TNKS: variants seen among roughly 807,000 people sequenced by gnomAD.
TNKS encodes the protein tankyrase.
TNKS carries 72 observed loss-of-function variants against 135.8 expected under a neutral mutation model. That is an observed-to-expected ratio of 0.53 (90% confidence interval 0.44 to 0.64). TNKS has a LOEUF of 0.64. Among genes scored for constraint, TNKS ranks in the 30% least tolerant of loss-of-function variants. The pLI, the probability that TNKS is intolerant of heterozygous loss-of-function variation, is 0.00. For synonymous variants in TNKS, 849 were observed against 649.3 expected (o/e 1.31, Z -4.68); for missense variants, 1,769 against 1,674.0 (o/e 1.06, Z -0.99).
chr8:9,746,900 TGAGA>T (rs1806265261), intron 17 of TNKS, among the ~76,000 whole-genome samples: 1 of 150,272 alleles, frequency 6.7e-6, no homozygotes. Flanking sequence ...TTTTTTTTTT[TGAGA>T]CGGAGCCTTG....
intron 1 of TNKS, chr8:9,575,407 A>C: frequency 1.0e-6 from 1 of 985,408 alleles, no homozygotes; most frequent in South Asian, 4.7e-5. Flanking sequence ...AAGGTGGGTC[A>C]ACTCTACCCT....
intron 3 of TNKS, among the ~76,000 whole-genome samples, chr8:9,645,350 T>G (rs1486890019): frequency 2.6e-5 from 4 of 152,190 alleles, no homozygotes; most frequent in Admixed American, 2.6e-4. Flanking sequence ...GGTCAGAGTT[T>G]TCAAAGACCA....
chr8:9,641,161 C>G (rs1800714335), intron 3 of TNKS, among the ~76,000 whole-genome samples: 1 of 146,000 alleles, frequency 6.8e-6, no homozygotes, highest in Non-Finnish European at 1.5e-5. Context: ...CAAGTATGGC[C>G]TTTGGCTGGA....
chr8:9,758,053 TA>T (rs973737546), intron 20 of TNKS, among the ~76,000 whole-genome samples: 6 of 152,222 alleles, frequency 3.9e-5, no homozygotes, highest in Non-Finnish European at 7.3e-5. Flanking sequence ...CAGATACAGC[TA>T]TACATCTCAG....
intron 20 of TNKS, among the ~76,000 whole-genome samples, chr8:9,757,106 A>C (rs184632609): frequency 3.6e-4 from 55 of 152,220 alleles, no homozygotes; most frequent in African/African-American, 1.3e-3. Context: ...CCTCCTGAGT[A>C]GCTGGGATTA....
intron 22 of TNKS, among the ~76,000 whole-genome samples, chr8:9,764,307 A>C (rs1807309059): frequency 6.6e-6 from 1 of 152,062 alleles, no homozygotes; most frequent in Non-Finnish European, 1.5e-5. Context: ...CTATTGAGAT[A>C]ATATGGAATA....
chr8:9,694,198 G>A (rs1246745421), intron 5 of TNKS, among the ~76,000 whole-genome samples: 5 of 152,008 alleles, frequency 3.3e-5, no homozygotes, highest in African/African-American at 9.7e-5. Flanking sequence ...TCACCATGTC[G>A]GATTATCCTT....
intron 21 of TNKS, 109 bp downstream of exon 21, chr8:9,761,745 T>A: frequency 8.7e-7 from 1 of 1,145,820 alleles, no homozygotes; most frequent in South Asian, 1.5e-5. Context: ...TACACTGAAC[T>A]ATTGTACCTC....
At chr8:9,637,294 T>C (rs943046283) in intron 3 of TNKS, among the ~76,000 whole-genome samples, 4 of 152,184 alleles carry the variant, frequency 2.6e-5, no homozygotes, top group Non-Finnish European at 5.9e-5. Flanking sequence ...TGTTTTTCTT[T>C]CTGACGATAC....
At chr8:9,698,630 C>T (rs1350396607) in intron 5 of TNKS, among the ~76,000 whole-genome samples, 1 of 152,106 alleles carries the variant, frequency 6.6e-6, no homozygotes, top group Non-Finnish European at 1.5e-5. Flanking sequence ...AATGCAAAAC[C>T]AGGATTTAAA....
intron 3 of TNKS, among the ~76,000 whole-genome samples, chr8:9,620,727 C>CA (rs542092734): frequency 3.9e-4 from 59 of 152,306 alleles, no homozygotes; most frequent in Admixed American, 8.5e-4. Context: ...AACACTTCCC[C>CA]AGTTCATCAG....
intron 3 of TNKS, among the ~76,000 whole-genome samples, chr8:9,623,951 G>C (rs1007564900): frequency 6.6e-6 from 1 of 152,068 alleles, no homozygotes; most frequent in African/African-American, 2.4e-5. Context: ...GCAGTGAACC[G>C]AGATCATGCC....
intron 5 of TNKS, among the ~76,000 whole-genome samples, chr8:9,692,983 G>A (rs1467077275): frequency 6.6e-6 from 1 of 152,124 alleles, no homozygotes; most frequent in East Asian, 1.9e-4. Context: ...TACTAAGCTC[G>A]TTGCTTCTTA....
intron 3 of TNKS, among the ~76,000 whole-genome samples, chr8:9,678,530 C>G (rs1205063785): frequency 3.3e-5 from 5 of 152,104 alleles, no homozygotes; most frequent in Non-Finnish European, 7.4e-5. Flanking sequence ...ATACAAAGTT[C>G]TTTTAAGAGA....
intron 1 of TNKS, among the ~76,000 whole-genome samples, chr8:9,562,509 T>C (rs1797376609): frequency 6.6e-6 from 1 of 152,174 alleles, no homozygotes; most frequent in Admixed American, 6.5e-5. Context: ...TTATGCTGTG[T>C]GTGGCATTTT....
At chr8:9,652,072 C>A (rs951441279) in intron 3 of TNKS, among the ~76,000 whole-genome samples, 1 of 152,054 alleles carries the variant, frequency 6.6e-6, no homozygotes, top group African/African-American at 2.4e-5. Flanking sequence ...AATATAGAAA[C>A]AAATCTTTAC....
intron 3 of TNKS, among the ~76,000 whole-genome samples, chr8:9,666,063 C>T (rs976967588): frequency 7.9e-5 from 12 of 152,106 alleles, no homozygotes; most frequent in Admixed American, 2.0e-4. Context: ...TCTTACTCAG[C>T]GCAAATTTGC....
At chr8:9,769,090 G>A (rs1404565436) in intron 25 of TNKS, among the ~76,000 whole-genome samples, 1 of 152,170 alleles carries the variant, frequency 6.6e-6, no homozygotes, top group Non-Finnish European at 1.5e-5. Flanking sequence ...TTCTTTAAGG[G>A]ATATATAATA....
At chr8:9,653,694 C>T (rs1801232715) in intron 3 of TNKS, among the ~76,000 whole-genome samples, 1 of 152,188 alleles carries the variant, frequency 6.6e-6, no homozygotes, top group Non-Finnish European at 1.5e-5. Context: ...CCCCACTTCT[C>T]AGCATCATTA....
Sources: allele counts gnomAD v4.1 joint callset (sites outside exome capture counted in the v4.1 genomes callset), GRCh38; gene constraint gnomAD v4.1.1; transcripts MANE v1.5; gene names NCBI Gene and HGNC (gene_info 2026-07-23, HGNC 2026-07-21).